Variants in TCERG1L observed in about 807,000 individuals in gnomAD.
TCERG1L encodes the protein transcription elongation regulator 1 like, also known as transcription elongation regulator 1-like protein.
Under a neutral mutation model 56.3 loss-of-function variants are expected in TCERG1L, and 37 were observed. The observed-to-expected ratio is 0.66, with a 90% CI of 0.51 to 0.87. The LOEUF (loss-of-function observed/expected upper bound fraction) is 0.87. Among genes scored for constraint, TCERG1L ranks in the 40% least tolerant of loss-of-function variants. TCERG1L has a pLI of 0.00. For missense variants in TCERG1L, 799 were observed against 774.2 expected, an observed-to-expected ratio of 1.03 and a Z score of -0.38; for synonymous variants, 324 against 326.3, an observed-to-expected ratio of 0.99 and a Z score of 0.08.
intron 3 of TCERG1L, among the ~76,000 whole-genome samples, chr10:131,264,022 A>C (rs1043758286): frequency 6.8e-6 from 1 of 147,782 alleles, no homozygotes; most frequent in African/African-American, 2.5e-5. Context: ...GGGAGCCCCC[A>C]GAAGGGCAAT....
rs1164475502 is a variant in TCERG1L, at chr10:131,115,252, C to T, written c.1395+1547G>A. On this transcript the variant is annotated intron_variant, in intron 9 of 11. Coordinates refer to ENST00000368642, the MANE Select transcript of TCERG1L (RefSeq NM_174937.4). ...TCCGTGAAGGCACACGGTGATCACCCGGCAGCACCTCCCCTGGAGCCCCTC... is the reference window on the plus strand; with the variant it reads ...TCCGTGAAGGCACACGGTGATCACCTGGCAGCACCTCCCCTGGAGCCCCTC... Among the ~76,000 whole-genome samples the T allele has an allele frequency of 3.3e-5, 5 of 152,334 alleles. No homozygotes were observed. The South Asian group carries it at 6.2e-4, about 19-fold the overall frequency.
At chr10:131,131,247 C>T (rs572969166) in intron 8 of TCERG1L, among the ~76,000 whole-genome samples, 6 of 152,258 alleles carry the variant, frequency 3.9e-5, no homozygotes, top group African/African-American at 9.6e-5. Context: ...GCAGAGACCA[C>T]CACCCTGCAC....
At chr10:131,181,722 G>A (rs867096530) in intron 4 of TCERG1L, among the ~76,000 whole-genome samples, 60 of 152,342 alleles carry the variant, frequency 3.9e-4, no homozygotes, top group African/African-American at 1.2e-3. Flanking sequence ...GAGGCTCTCC[G>A]TGTCCCCCCT....
At position 131,103,231 on chromosome 10, in the gene TCERG1L, T is replaced by TA. The variant is rs951344109; in HGVS notation, c.1485+1033dup. Among the ~76,000 whole-genome samples, 103 of 151,414 alleles carry TA rather than the reference T, an allele frequency of 6.8e-4. 1 individual carries two copies. The highest frequency in any genetic ancestry group is 3.9e-3 in the East Asian group (20 of 5,118). The stretch of plus-strand genomic sequence containing the variant: ...TAAATGACAAGAATATTCAGGGAGG[T>TA]AAAAAAAAGGCAATAATTTTTAAGG... On this transcript the variant is annotated intron_variant, in intron 10 of 11. Transcript: ENST00000368642. The surrounding 1 kb of genome is among the most constrained non-coding windows in gnomAD (Gnocchi z 4.3).
chr10:131,163,117 CT>C lies in TCERG1L; in HGVS notation c.1034+4del. The C allele has an allele frequency of 6.4e-7, 1 of 1,563,842 alleles. No individual in the cohort carries two copies. The highest frequency in any genetic ancestry group is 8.6e-7 in the Non-Finnish European group (1 of 1,156,126). On this transcript the variant is annotated splice_donor_region_variant and intron_variant, in intron 6 of 11. Transcript: ENST00000368642. The stretch of plus-strand genomic sequence containing the variant: ...TAGTGGCTCTCAGGCTTTGGGGTGT[CT>C]TACCAGGGGGATCCGGGCACCGGGG...
chr10:131,203,041 G>A (rs565980603), intron 4 of TCERG1L, among the ~76,000 whole-genome samples: 31 of 152,220 alleles, frequency 2.0e-4, no homozygotes, highest in African/African-American at 4.1e-4. Context: ...AGGTCACGCC[G>A]ACACCGATGT....
chr10:131,223,278 G>T (rs978732130), intron 4 of TCERG1L, among the ~76,000 whole-genome samples: 11 of 152,214 alleles, frequency 7.2e-5, no homozygotes, highest in African/African-American at 2.4e-4. Flanking sequence ...GGCAAGCCCA[G>T]CCGTGTCCCC....
chr10:131,199,382 G>A (rs532596025), intron 4 of TCERG1L, among the ~76,000 whole-genome samples: 8 of 152,128 alleles, frequency 5.3e-5, no homozygotes, highest in Non-Finnish European at 8.8e-5. Flanking sequence ...GTCAAAAGAA[G>A]CATCCTGAAC....
At chr10:131,198,686 A>G (rs2133471139) in intron 4 of TCERG1L, among the ~76,000 whole-genome samples, 1 of 152,290 alleles carries the variant, frequency 6.6e-6, no homozygotes, top group East Asian at 1.9e-4. Context: ...CTGATGCTGC[A>G]TGCTGGTGAC....
At chr10:131,193,155 C>T (rs1367920606) in intron 4 of TCERG1L, among the ~76,000 whole-genome samples, 1 of 152,132 alleles carries the variant, frequency 6.6e-6, no homozygotes, top group African/African-American at 2.4e-5. Flanking sequence ...TATATGTCTC[C>T]TTTTGAAAAA....
intron 6 of TCERG1L, among the ~76,000 whole-genome samples, chr10:131,147,674 C>T (rs1845813560): frequency 6.6e-6 from 1 of 152,260 alleles, no homozygotes; most frequent in African/African-American, 2.4e-5. Flanking sequence ...TCTGGCTCCG[C>T]AAGTCTCCTG....
At chr10:131,247,908 A>ACACACACGC (rs1846056295) in intron 4 of TCERG1L, among the ~76,000 whole-genome samples, 1 of 76,528 alleles carries the variant, frequency 1.3e-5, no homozygotes, top group Non-Finnish European at 3.0e-5. Context: ...GCACACACGC[A>ACACACACGC]CACACACGCA....
chr10:131,195,588 G>A (rs561397009), intron 4 of TCERG1L, among the ~76,000 whole-genome samples: 17 of 152,252 alleles, frequency 1.1e-4, no homozygotes, highest in African/African-American at 4.1e-4. Context: ...ACCAAGGCAG[G>A]ATGGGAGGCC....
intron 4 of TCERG1L, among the ~76,000 whole-genome samples, chr10:131,236,750 T>C (rs1018264667): frequency 2.0e-5 from 3 of 152,040 alleles, no homozygotes; most frequent in Admixed American, 2.0e-4. Flanking sequence ...GCCAGGAGCC[T>C]CTCCTCTGAG....
chr10:131,183,383 C>T lies in TCERG1L; in HGVS notation c.857-16498G>A, dbSNP rs550664861. ...TTGGGGAAATACTCAACTGAAGGTT[C>T]TTGTCTGAGATTTACCTTTTCCCAT... On this transcript the variant is annotated intron_variant, in intron 4 of 11. Transcript: ENST00000368642. Among the ~76,000 whole-genome samples the T allele has an allele frequency of 4.7e-4, 71 of 152,264 alleles. 1 individual carries two copies. Among genetic ancestry groups the T allele is most frequent in the Admixed American group, 9.2e-4 (14 of 15,296 alleles).
intron 3 of TCERG1L, among the ~76,000 whole-genome samples, chr10:131,286,204 C>T (rs904566983): frequency 2.0e-5 from 3 of 152,088 alleles, no homozygotes; most frequent in Admixed American, 1.3e-4. Flanking sequence ...GCCTTTAAAA[C>T]GTCTGGGAAG....
chr10:131,178,613 T>C (rs916449810), intron 4 of TCERG1L, among the ~76,000 whole-genome samples: 8 of 152,134 alleles, frequency 5.3e-5, no homozygotes, highest in Non-Finnish European at 2.9e-5. Context: ...AGACCTTCAT[T>C]GCCTCTCCCA....
intron 3 of TCERG1L, among the ~76,000 whole-genome samples, chr10:131,279,334 T>C (rs1021506818): frequency 1.3e-5 from 2 of 151,508 alleles, no homozygotes; most frequent in Non-Finnish European, 2.9e-5. Flanking sequence ...TGGGCAGGAG[T>C]GTAAGACGCT....
intron 4 of TCERG1L, among the ~76,000 whole-genome samples, chr10:131,252,640 AC>A (rs1846124841): frequency 6.6e-6 from 1 of 152,126 alleles, no homozygotes. Context: ...CCCATCAGGG[AC>A]CGCCTCCTCT....
Sources: allele counts gnomAD v4.1 joint callset (sites outside exome capture counted in the v4.1 genomes callset), GRCh38; gene constraint gnomAD v4.1.1; non-coding constraint Gnocchi (gnomAD v3.1); transcripts MANE v1.5; gene names NCBI Gene and HGNC (gene_info 2026-07-23, HGNC 2026-07-21).